Variants in ROR2 observed in about 807,000 individuals in gnomAD.
ROR2 encodes the protein tyrosine-protein kinase transmembrane receptor ROR2.
In ROR2, 33 loss-of-function variants were observed where a neutral mutation model predicts 74.9. The ratio of observed to expected loss-of-function variants is 0.44; its 90% CI spans 0.33 to 0.59. ROR2 has a LOEUF of 0.59. ROR2 is among the 20% of genes least tolerant of loss of function. ROR2 has a pLI of 0.02. For missense variants in ROR2, 1,216 were observed against 1,313.8 expected, an observed-to-expected ratio of 0.93 and a Z score of 1.15; for synonymous variants, 586 against 558.7, an observed-to-expected ratio of 1.05 and a Z score of -0.69.
chr9:91,748,159 C>T (rs1825489275), intron 4 of ROR2, among the ~76,000 whole-genome samples: 1 of 152,140 alleles, frequency 6.6e-6, no homozygotes, highest in Admixed American at 6.5e-5. Context: ...CCTGTAATCC[C>T]AGCTCCTCGG....
chr9:91,837,945 T>C (rs2119206450), intron 1 of ROR2, among the ~76,000 whole-genome samples: 1 of 152,342 alleles, frequency 6.6e-6, no homozygotes, highest in South Asian at 2.1e-4. Context: ...TTTCTTTTCA[T>C]TGTCGAACTG....
At chr9:91,936,226 G>T (rs1213701655) in intron 1 of ROR2, among the ~76,000 whole-genome samples, 3 of 152,232 alleles carry the variant, frequency 2.0e-5, no homozygotes, top group African/African-American at 7.2e-5. Context: ...GGATGCGTGT[G>T]TTAGCCTCCT....
At chr9:91,860,767 T>C (rs530038458) in intron 1 of ROR2, among the ~76,000 whole-genome samples, 10 of 152,260 alleles carry the variant, frequency 6.6e-5, no homozygotes, top group African/African-American at 2.2e-4. Context: ...GCCACTCACA[T>C]TGAGGGCAGA....
chr9:91,765,272 A>C (rs930003313), intron 2 of ROR2, among the ~76,000 whole-genome samples: 2 of 152,064 alleles, frequency 1.3e-5, no homozygotes, highest in Admixed American at 1.3e-4. Flanking sequence ...TTCATGGACT[A>C]TATCTTTCTT....
At chr9:91,929,133 G>A (rs1831485974) in intron 1 of ROR2, among the ~76,000 whole-genome samples, 1 of 152,274 alleles carries the variant, frequency 6.6e-6, no homozygotes, top group African/African-American at 2.4e-5. Flanking sequence ...CTCCACACCC[G>A]TATTTCCCCT....
chr9:91,880,201 T>C (rs888440020), intron 1 of ROR2, among the ~76,000 whole-genome samples: 7 of 152,184 alleles, frequency 4.6e-5, no homozygotes, highest in African/African-American at 1.7e-4. Context: ...AGGATGACCA[T>C]GTGAAGACAC....
intron 8 of ROR2, among the ~76,000 whole-genome samples, chr9:91,725,592 T>C (rs1394189657): frequency 2.0e-5 from 3 of 152,188 alleles, no homozygotes; most frequent in Non-Finnish European, 4.4e-5. Context: ...TCTTGGCAAT[T>C]TTGTCACTTA....
At chr9:91,818,949 A>G (rs1274219887) in intron 1 of ROR2, among the ~76,000 whole-genome samples, 1 of 152,056 alleles carries the variant, frequency 6.6e-6, no homozygotes, top group African/African-American at 2.4e-5. Context: ...AGGTCATGCT[A>G]TTCTGTCTCT....
chr9:91,934,726 G>T (rs1165010860), intron 1 of ROR2, among the ~76,000 whole-genome samples: 1 of 152,030 alleles, frequency 6.6e-6, no homozygotes, highest in East Asian at 1.9e-4. Flanking sequence ...AGAAAGAAAA[G>T]AAATGAGCTC....
intron 7 of ROR2, among the ~76,000 whole-genome samples, chr9:91,727,169 A>G (rs191996541): frequency 6.6e-6 from 1 of 152,280 alleles, no homozygotes; most frequent in East Asian, 1.9e-4. Flanking sequence ...GGTGAGTGAA[A>G]CTTGGTACTG....
chr9:91,725,051 C>T lies in ROR2; in HGVS notation c.1443G>A (p.Glu481=). Residue 481 remains glutamate, a synonymous_variant, in exon 9 of 9, where the codon GAG becomes GAA. Coordinates refer to ENST00000375708, the MANE Select transcript of ROR2 (RefSeq NM_004560.4). ...CTTTGTAGACTTTCCCAAACCGGTC[C>T]TCTCCCAGCTCCTCCATGAACCTCA... ...SAVRFMEELG[E]DRFGKVYKGH... 1 of 1,614,118 alleles carries T rather than the reference C, an allele frequency of 6.2e-7. No individual in the cohort carries two copies. The highest frequency in any genetic ancestry group is 8.5e-7 in the Non-Finnish European group (1 of 1,180,044).
intron 2 of ROR2, among the ~76,000 whole-genome samples, chr9:91,761,949 G>C (rs954844810): frequency 3.3e-5 from 5 of 152,142 alleles, no homozygotes; most frequent in African/African-American, 1.2e-4. Context: ...ATCAGACAGG[G>C]AGATGGATTT....
rs1223420477 is a variant in ROR2, at chr9:91,733,294, C to T, written c.765G>A (p.Glu255=). 5.0e-6 allele frequency: 8 copies of T among 1,612,790 alleles called. 1 individual carries two copies. Among genetic ancestry groups the T allele is most frequent in the Admixed American group, 3.3e-5 (2 of 59,948 alleles). ...TPKPRELCRD[E]CEVLESDLCR... Reference sequence around the variant, plus strand: ...ACAGGTCGCTCTCCAGCACCTCGCACTCGTCGCGGCACAGCTCACGCGGCT... The same window carrying T: ...ACAGGTCGCTCTCCAGCACCTCGCATTCGTCGCGGCACAGCTCACGCGGCT... Residue 255 remains glutamate, a synonymous_variant, in exon 6 of 9, where the codon GAG becomes GAA. Coordinates refer to ENST00000375708, the MANE Select transcript of ROR2 (RefSeq NM_004560.4). This position sits in a 1 kb window ranked among gnomAD's most constrained non-coding sequence, Gnocchi z 5.7.
chr9:91,895,246 T>A (rs191228091), intron 1 of ROR2, among the ~76,000 whole-genome samples: 1 of 152,102 alleles, frequency 6.6e-6, no homozygotes, highest in Non-Finnish European at 1.5e-5. Context: ...TTGCCAGGGA[T>A]TGGGGAGGAA....
chr9:91,913,110 CAG>C (rs1831036507), intron 1 of ROR2, among the ~76,000 whole-genome samples: 1 of 151,978 alleles, frequency 6.6e-6, no homozygotes, highest in South Asian at 2.1e-4. Context: ...GCCTGAGCAA[CAG>C]AGTGAGAGAC....
rs376156939 is a variant in ROR2 at position 91,733,351 on chromosome 9, A to G, written c.708T>C (p.Phe236=). ...FAIPSFCHFV[F]PLCDARSRTP... ...TCCGGGAGCGCGCGTCGCACAGAGG[A>G]AACACGAAGTGGCAGAAGGATGGGA... Residue 236 remains phenylalanine (F), a synonymous_variant, in exon 6 of 9, where the codon TTT becomes TTC. Transcript: ENST00000375708. The surrounding 1 kb of genome is among the most constrained non-coding windows in gnomAD (Gnocchi z 5.7). 1.9e-5 allele frequency: 31 copies of G among 1,612,334 alleles called. No homozygotes were observed. The highest frequency in any genetic ancestry group is 2.6e-5 in the Non-Finnish European group (31 of 1,179,674).
At chr9:91,839,156 G>A (rs938954355) in intron 1 of ROR2, among the ~76,000 whole-genome samples, 1 of 152,124 alleles carries the variant, frequency 6.6e-6, no homozygotes, top group Non-Finnish European at 1.5e-5. Context: ...AAGATGAAGG[G>A]GTTCTGGGGG....
chr9:91,734,916 G>A (rs1401646415), intron 5 of ROR2, among the ~76,000 whole-genome samples: 4 of 152,152 alleles, frequency 2.6e-5, no homozygotes, highest in Admixed American at 2.6e-4. Context: ...GAGAGGGCAA[G>A]CAGTTACAGT....
rs532464326 is a variant in ROR2 at position 91,922,837 on chromosome 9, A to T, written c.97+27030T>A. Among the ~76,000 whole-genome samples, 66 of 152,110 alleles carry T rather than the reference A, an allele frequency of 4.3e-4. No homozygotes were observed. The South Asian group carries it at 0.012, about 28-fold the overall frequency. ...TGTCCTCTCATGTCAGGCTCTCCAA[A>T]TCAGCTGCATAGCTGCTGCATCCAA... On this transcript the variant is annotated intron_variant, in intron 1 of 8. Coordinates refer to ENST00000375708, the MANE Select transcript of ROR2 (RefSeq NM_004560.4).
Sources: gnomAD v4.1 joint callset for allele counts (sites outside exome capture counted in the v4.1 genomes callset) on GRCh38, gnomAD v4.1.1 for gene constraint, Gnocchi (gnomAD v3.1) non-coding constraint, MANE v1.5 for transcripts, NCBI Gene and HGNC (gene_info 2026-07-23, HGNC 2026-07-21) for gene names.